IL1RAPL2: variants seen among roughly 807,000 people sequenced by gnomAD.
IL1RAPL2 encodes the protein interleukin 1 receptor accessory protein like 2.
A neutral mutation model predicts 44.1 loss-of-function variants in IL1RAPL2; 3 were observed. The observed-to-expected ratio is 0.07, with a 90% CI of 0.03 to 0.18. IL1RAPL2 has a LOEUF of 0.18. IL1RAPL2 is among the 10% of genes least tolerant of loss of function. IL1RAPL2 has a pLI of 1.00. For synonymous variants in IL1RAPL2, 181 were observed against 178.8 expected, an observed-to-expected ratio of 1.01 and a Z score of -0.10; for missense variants, 391 against 496.4, an observed-to-expected ratio of 0.79 and a Z score of 2.02.
intron 2 of IL1RAPL2, among the ~76,000 whole-genome samples, chrX:104,701,855 A>G: frequency 8.9e-6 from 1 of 111,895 alleles, no homozygotes; most frequent in East Asian, 2.8e-4. Context: ...AAATATATGA[A>G]ATTTTATGGT....
intron 1 of IL1RAPL2, among the ~76,000 whole-genome samples, chrX:104,637,723 G>A (rs184546003): frequency 1.1e-4 from 12 of 109,654 alleles, no homozygotes; most frequent in Middle Eastern, 4.7e-3. Context: ...CTAGCATTTC[G>A]TTGAGGACTT....
chrX:104,838,840 TTTCTTTC>T (rs1235299610), intron 2 of IL1RAPL2, among the ~76,000 whole-genome samples: 10 of 38,215 alleles, frequency 2.6e-4, no homozygotes, highest in East Asian at 8.2e-4. Context: ...TCTTTCTTTC[TTTCTTTC>T]TTTTTTTTTT....
At chrX:104,649,790 G>A (rs1930118455) in intron 1 of IL1RAPL2, among the ~76,000 whole-genome samples, 1 of 111,683 alleles carries the variant, frequency 9.0e-6, no homozygotes, top group Non-Finnish European at 1.9e-5. Flanking sequence ...TTGGTTTCTA[G>A]AGTCAAGAGT....
intron 2 of IL1RAPL2, among the ~76,000 whole-genome samples, chrX:104,773,072 G>C (rs772597855): frequency 8.1e-5 from 9 of 110,699 alleles, no homozygotes; most frequent in Non-Finnish European, 1.7e-4. Flanking sequence ...ACCACACCTG[G>C]TTGACTTTTA....
intron 6 of IL1RAPL2, among the ~76,000 whole-genome samples, chrX:105,624,520 G>A (rs1382143581): frequency 4.5e-5 from 5 of 111,215 alleles, no homozygotes; most frequent in African/African-American, 9.8e-5. Context: ...TTGTGCCCTC[G>A]CATCTTCCCC....
chrX:104,843,130 A>G (rs1263396988), intron 2 of IL1RAPL2, among the ~76,000 whole-genome samples: 1 of 112,054 alleles, frequency 8.9e-6, no homozygotes, highest in Non-Finnish European at 1.9e-5. Context: ...CTAGAGAAGC[A>G]GTCTGGCCAC....
intron 2 of IL1RAPL2, among the ~76,000 whole-genome samples, chrX:104,776,612 A>G (rs979176183): frequency 1.8e-5 from 2 of 112,058 alleles, no homozygotes; most frequent in Non-Finnish European, 3.8e-5. Flanking sequence ...CAGGACGAAT[A>G]ACAATTGGAA....
chrX:104,977,975 T>A (rs2030369080), intron 2 of IL1RAPL2, among the ~76,000 whole-genome samples: 1 of 111,787 alleles, frequency 8.9e-6, no homozygotes. Flanking sequence ...TAAACTGACA[T>A]GGCACTGGTG....
intron 2 of IL1RAPL2, among the ~76,000 whole-genome samples, chrX:104,956,826 G>A (rs769619352): frequency 1.8e-5 from 2 of 110,849 alleles, no homozygotes; most frequent in Non-Finnish European, 3.8e-5. Flanking sequence ...CTCTGCTTTT[G>A]TTTTCACCTT....
chrX:105,479,746 TAAATA>T (rs990580984), intron 5 of IL1RAPL2, among the ~76,000 whole-genome samples: 4 of 103,089 alleles, frequency 3.9e-5, no homozygotes, highest in Non-Finnish European at 5.9e-5. Flanking sequence ...TCTCAAAAAA[TAAATA>T]AAATAATAAA....
chrX:104,662,997 G>A (rs1481990777), intron 2 of IL1RAPL2, among the ~76,000 whole-genome samples: 1 of 111,984 alleles, frequency 8.9e-6, no homozygotes, highest in Admixed American at 9.5e-5. Context: ...CAATCAGCTA[G>A]AAAATGTAGT....
intron 5 of IL1RAPL2, among the ~76,000 whole-genome samples, chrX:105,276,894 T>C (rs968620001): frequency 8.9e-6 from 1 of 111,853 alleles, no homozygotes; most frequent in Admixed American, 9.5e-5. Flanking sequence ...GGGAACAGCA[T>C]TCAGAAGCCA....
chrX:104,709,894 C>G (rs1931427306), intron 2 of IL1RAPL2, among the ~76,000 whole-genome samples: 1 of 110,345 alleles, frequency 9.1e-6, no homozygotes, highest in Non-Finnish European at 1.9e-5. Context: ...TAAAAAGATG[C>G]TCAACATCAT....
chrX:105,148,314 TGTAATGTC>T (rs1188192430), intron 2 of IL1RAPL2, among the ~76,000 whole-genome samples: 1 of 111,581 alleles, frequency 9.0e-6, no homozygotes, highest in Non-Finnish European at 1.9e-5. Context: ...TGGTGGTAAG[TGTAATGTC>T]GTAACTTTCA....
intron 5 of IL1RAPL2, among the ~76,000 whole-genome samples, chrX:105,355,749 C>A (rs962765830): frequency 4.5e-5 from 5 of 111,584 alleles, no homozygotes; most frequent in African/African-American, 1.6e-4. Context: ...TTACAAATTC[C>A]TATAAGTGGA....
chrX:105,143,314 CATTT>C (rs1438268632), intron 2 of IL1RAPL2, among the ~76,000 whole-genome samples: 1 of 111,962 alleles, frequency 8.9e-6, no homozygotes, highest in Non-Finnish European at 1.9e-5. Flanking sequence ...CAAAAGAAGA[CATTT>C]ATGCAGCCAA....
intron 2 of IL1RAPL2, among the ~76,000 whole-genome samples, chrX:105,043,623 A>T (rs778187945): frequency 9.0e-6 from 1 of 110,550 alleles, no homozygotes; most frequent in East Asian, 2.9e-4. Context: ...AATTTCTCCC[A>T]AGATCCTTAC....
intron 2 of IL1RAPL2, among the ~76,000 whole-genome samples, chrX:104,748,375 G>A (rs749727498): frequency 2.7e-5 from 3 of 111,657 alleles, no homozygotes; most frequent in Non-Finnish European, 5.7e-5. Context: ...TAATAATTTG[G>A]TAGTGCTATA....
At chrX:105,710,448 CTT>C (rs980922677) in intron 6 of IL1RAPL2, among the ~76,000 whole-genome samples, 4 of 95,252 alleles carry the variant, frequency 4.2e-5, no homozygotes, top group African/African-American at 1.6e-4. Flanking sequence ...TCCCTTGTAT[CTT>C]ACTGGAAGAA....
Sources: allele counts gnomAD v4.1 joint callset (sites outside exome capture counted in the v4.1 genomes callset), GRCh38; gene constraint gnomAD v4.1.1; transcripts MANE v1.5; gene names NCBI Gene and HGNC (gene_info 2026-07-23, HGNC 2026-07-21).